The following DCAF4L1 variants were observed in gnomAD, a reference collection of about 807,000 sequenced individuals.
The protein encoded by DCAF4L1 is DDB1 and CUL4 associated factor 4 like 1.
A neutral mutation model predicts 28.2 loss-of-function variants in DCAF4L1; 4 were observed. The observed-to-expected ratio is 0.14, with a 90% CI of 0.07 to 0.33. The LOEUF is 0.33. Ranked by LOEUF, DCAF4L1 falls within the 10% of genes least tolerant of loss-of-function variation. The pLI is 1.00. For synonymous variants in DCAF4L1, 252 were observed against 212.1 expected, an observed-to-expected ratio of 1.19 and a Z score of -1.63; for missense variants, 331 against 506.1, an observed-to-expected ratio of 0.65 and a Z score of 3.32.
Position 41,982,317 on chromosome 4 carries a change from C to T in DCAF4L1, c.525C>T (p.Gly175=), listed in dbSNP as rs1714008964. The T allele has an allele frequency of 5.6e-6, 9 of 1,614,204 alleles. No homozygotes were observed. The highest frequency in any genetic ancestry group is 1.3e-5 in the African/African-American group (1 of 75,056). Residue 175 remains glycine (G), a synonymous_variant, in exon 1 of 1, where the codon GGC becomes GGT. Coordinates refer to ENST00000333141, the MANE Select transcript of DCAF4L1 (RefSeq NM_001029955.4). This position sits in a 1 kb window ranked among gnomAD's most constrained non-coding sequence, Gnocchi z 4.4. The part of the protein sequence containing the change: ...LSVHTRVNQP[G]MLCSFQIPEA... ...TTCACACAAGAGTTAACCAGCCTGG[C>T]ATGCTCTGCAGTTTCCAGATCCCAG... is the stretch of plus-strand genomic sequence containing the variant.
Position 41,986,012 on chromosome 4 carries a change from G to C in DCAF4L1, c.*3029G>C, listed in dbSNP as rs1006503375. ...TGCGTAGACAGCGAACAAGACTTGG[G>C]TTTATTGGGGGAACTTATATATAGG... is the stretch of plus-strand genomic sequence containing the variant. On this transcript the variant is annotated 3_prime_UTR_variant, in exon 1 of 1. Coordinates refer to ENST00000333141, the MANE Select transcript of DCAF4L1 (RefSeq NM_001029955.4). 6.0e-6 allele frequency: 1 copy of C among 167,154 alleles called. No homozygotes were observed. The highest frequency in any genetic ancestry group is 1.5e-5 in the Non-Finnish European group (1 of 68,168). The allele number at this position is 167,154 out of a possible 1,614,324, so 10.4% of individuals were successfully genotyped here.
In DCAF4L1 at chr4:41,982,137, C is replaced by T. The variant is rs765518456; in HGVS notation, c.345C>T (p.Tyr115=). The T allele has an allele frequency of 1.9e-6, 3 of 1,614,130 alleles. No individual in the cohort carries two copies. Among genetic ancestry groups the T allele is most frequent in the African/African-American group, 1.3e-5 (1 of 74,944 alleles). The change falls in exon 1 of 1, where the codon TAC becomes TAT. Residue 115 remains tyrosine, a synonymous_variant. Coordinates refer to ENST00000333141, the MANE Select transcript of DCAF4L1 (RefSeq NM_001029955.4). This position sits in a 1 kb window ranked among gnomAD's most constrained non-coding sequence, Gnocchi z 4.4. ...RTLKIPSFHV[Y]VLRNLYVPNR... is the part of the protein sequence containing the mutation. ...TGAAGATCCCTTCGTTCCACGTGTA[C>T]GTGCTCAGAAACCTCTACGTCCCCA...
rs1235602729 is a variant in DCAF4L1 at position 41,983,337 on chromosome 4, T to C, written c.*354T>C. The C allele has an allele frequency of 2.0e-5, 4 of 200,050 alleles. No individual in the cohort carries two copies. 12.4% of individuals were successfully genotyped at this position (200,050 alleles called of 1,614,324 possible). A position where few individuals can be genotyped will look rare whatever the true frequency, so the allele number is the denominator to read the frequency against. On this transcript the variant is annotated 3_prime_UTR_variant, in exon 1 of 1. Coordinates refer to ENST00000333141, the MANE Select transcript of DCAF4L1 (RefSeq NM_001029955.4). Reference sequence around the variant, plus strand: ...AATAAATTAAAGCAGCTTCTTTCACTAGTAGCCCTTTAGAGAAGCATAATG... The same window carrying C: ...AATAAATTAAAGCAGCTTCTTTCACCAGTAGCCCTTTAGAGAAGCATAATG...
chr4:41,985,466 A>G lies in DCAF4L1; in HGVS notation c.*2483A>G, dbSNP rs1301591529. ...CAAATGTTGGTGCAGTTGTGAGCAA[A>G]TAGAACTTTCATATACTGTTGAGTG... On this transcript the variant is annotated 3_prime_UTR_variant, in exon 1 of 1. Coordinates refer to ENST00000333141, the MANE Select transcript of DCAF4L1 (RefSeq NM_001029955.4). The G allele has an allele frequency of 6.0e-6, 1 of 167,108 alleles. No individual in the cohort carries two copies. The highest frequency in any genetic ancestry group is 1.5e-5 in the Non-Finnish European group (1 of 68,130). The allele number at this position is 167,108 out of a possible 1,614,324, so 10.4% of individuals were successfully genotyped here.
Position 41,982,284 on chromosome 4 carries a change from C to T in DCAF4L1, c.492C>T (p.Phe164=). ...CAGTGCTGCTCCCAGCGTCGCGGTTCTTAAGTGTTCACACAAGAGTTAACC... is the reference window on the plus strand; with the variant it reads ...CAGTGCTGCTCCCAGCGTCGCGGTTTTTAAGTGTTCACACAAGAGTTAACC... ...SCAVLLPASR[F]LSVHTRVNQP... Residue 164 remains phenylalanine (F), a synonymous_variant, in exon 1 of 1, where the codon TTC becomes TTT. Coordinates refer to ENST00000333141, the MANE Select transcript of DCAF4L1 (RefSeq NM_001029955.4). The surrounding 1 kb of genome is among the most constrained non-coding windows in gnomAD (Gnocchi z 4.4). 6.2e-7 allele frequency: 1 copy of T among 1,614,228 alleles called. No homozygotes were observed. Among genetic ancestry groups the T allele is most frequent in the Non-Finnish European group, 8.5e-7 (1 of 1,180,048 alleles).
chr4:41,984,636 T>C lies in DCAF4L1; in HGVS notation c.*1653T>C, dbSNP rs1714093335. On this transcript the variant is annotated 3_prime_UTR_variant, in exon 1 of 1. Coordinates refer to ENST00000333141, the MANE Select transcript of DCAF4L1 (RefSeq NM_001029955.4). Reference sequence around the variant, plus strand: ...TTAGGTGAAGGGAATGATGCTGAGTTTTAGACATCTACTAAACCTCCAATT... The same window carrying C: ...TTAGGTGAAGGGAATGATGCTGAGTCTTAGACATCTACTAAACCTCCAATT... 1 of 166,968 alleles carries C rather than the reference T, an allele frequency of 6.0e-6. No homozygotes were observed. 10.3% of individuals were successfully genotyped at this position (166,968 alleles called of 1,614,324 possible).
rs923253614 is a variant in DCAF4L1 at position 41,986,265 on chromosome 4, A to G, written c.*3282A>G. ...CAGGGTTAGTCGCTCCTGTTTCCTT[A>G]GTTTGGGATTCTGAGCACACATTCG... On this transcript the variant is annotated 3_prime_UTR_variant, in exon 1 of 1. Coordinates refer to ENST00000333141, the MANE Select transcript of DCAF4L1 (RefSeq NM_001029955.4). 1.2e-5 allele frequency: 2 copies of G among 167,008 alleles called. No individual in the cohort carries two copies. The highest frequency in any genetic ancestry group is 3.9e-4 in the East Asian group (2 of 5,188). 10.3% of individuals were successfully genotyped at this position (167,008 alleles called of 1,614,324 possible). A position where few individuals can be genotyped will look rare whatever the true frequency, so the allele number is the denominator to read the frequency against.
chr4:41,983,079 T>G lies in DCAF4L1; in HGVS notation c.*96T>G. 2 of 1,142,408 alleles carry G rather than the reference T, an allele frequency of 1.8e-6. No individual in the cohort carries two copies. The highest frequency in any genetic ancestry group is 2.5e-5 in the East Asian group (1 of 39,868). The allele number at this position is 1,142,408 out of a possible 1,614,324, so 70.8% of individuals were successfully genotyped here. On this transcript the variant is annotated 3_prime_UTR_variant, in exon 1 of 1. Coordinates refer to ENST00000333141, the MANE Select transcript of DCAF4L1 (RefSeq NM_001029955.4). ...TGTGAGAGCATTTTAAGAGACGTGT[T>G]GTATATAGATCGCATCCATCCGGCT...
chr4:41,982,760 A>T lies in DCAF4L1; in HGVS notation c.968A>T (p.His323Leu), dbSNP rs1714028404. The T allele has an allele frequency of 1.2e-6, 2 of 1,614,120 alleles. No individual in the cohort carries two copies. Among genetic ancestry groups the T allele is most frequent in the African/African-American group, 2.7e-5 (2 of 74,956 alleles). ...NESAYLPLHVHEEEGIVVAVG... is the reference protein window; with the variant it reads ...NESAYLPLHVLEEEGIVVAVG... ...TCCGCCTATCTGCCCCTGCATGTGCACGAGGAAGAGGGAATCGTGGTGGCA... is the reference window on the plus strand; with the variant it reads ...TCCGCCTATCTGCCCCTGCATGTGCTCGAGGAAGAGGGAATCGTGGTGGCA... The change falls in exon 1 of 1, where the codon CAC becomes CTC. Residue 323 changes from histidine to leucine, a missense_variant. His to Leu is a moderately conservative substitution (Grantham distance 99). Coordinates refer to ENST00000333141, the MANE Select transcript of DCAF4L1 (RefSeq NM_001029955.4). This position sits in a 1 kb window ranked among gnomAD's most constrained non-coding sequence, Gnocchi z 4.4.
At position 41,982,138 on chromosome 4, in the gene DCAF4L1, G is replaced by C. The variant is rs753214088; in HGVS notation, c.346G>C (p.Val116Leu). 7 of 1,614,216 alleles carry C rather than the reference G, an allele frequency of 4.3e-6. No individual in the cohort carries two copies. In the South Asian group the frequency reaches 6.6e-5, roughly 15 times the overall value. Residue 116 changes from valine (V) to leucine (L), a missense_variant, in exon 1 of 1, where the codon GTG (valine) becomes CTG (leucine). Val to Leu is a conservative substitution (Grantham distance 32, BLOSUM62 1). Transcript: ENST00000333141. This position sits in a 1 kb window ranked among gnomAD's most constrained non-coding sequence, Gnocchi z 4.4. ...TLKIPSFHVY[V>L]LRNLYVPNRK... Reference sequence around the variant, plus strand: ...GAAGATCCCTTCGTTCCACGTGTACGTGCTCAGAAACCTCTACGTCCCCAA... The same window carrying C: ...GAAGATCCCTTCGTTCCACGTGTACCTGCTCAGAAACCTCTACGTCCCCAA...
Position 41,982,095 on chromosome 4 carries a change from C to A in DCAF4L1, c.303C>A (p.Ile101=). Residue 101 remains isoleucine (I), a synonymous_variant, in exon 1 of 1, where the codon ATC becomes ATA. Transcript: ENST00000333141. This position sits in a 1 kb window ranked among gnomAD's most constrained non-coding sequence, Gnocchi z 4.4. ...AAGTCGAAGGCTCCAAGTACGGCAT[C>A]ATCAGCCTGCGAACTCTGAAGATCC... ...QVEVEGSKYG[I]ISLRTLKIPS... The A allele has an allele frequency of 6.2e-7, 1 of 1,614,210 alleles. No homozygotes were observed. Among genetic ancestry groups the A allele is most frequent in the African/African-American group, 1.3e-5 (1 of 75,068 alleles).
Position 41,982,974 on chromosome 4 carries a change from C to T in DCAF4L1, c.1182C>T (p.Pro394=), listed in dbSNP as rs1164986456. The T allele has an allele frequency of 3.1e-6, 5 of 1,602,018 alleles. No individual in the cohort carries two copies. Among genetic ancestry groups the T allele is most frequent in the South Asian group, 1.1e-5 (1 of 89,526 alleles). ...MAVRQDLYCF[P]FS ...TCCGGCAGGACCTTTATTGTTTCCC[C>T]TTCAGCTAATTCTGCAGGTGGCAGC... Residue 394 remains proline, a synonymous_variant, in exon 1 of 1, where the codon CCC becomes CCT. Coordinates refer to ENST00000333141, the MANE Select transcript of DCAF4L1 (RefSeq NM_001029955.4). The surrounding 1 kb of genome is among the most constrained non-coding windows in gnomAD (Gnocchi z 4.4).
Position 41,986,455 on chromosome 4 carries a change from AT to A in DCAF4L1, c.*3476del, listed in dbSNP as rs1372512360. On this transcript the variant is annotated 3_prime_UTR_variant, in exon 1 of 1. Transcript: ENST00000333141. Reference sequence around the variant, plus strand: ...GTATTATACTTCAATAAAAAGTTAAATTTTAAAAAACCTAGTAAGACTTTCT... The same window carrying A: ...GTATTATACTTCAATAAAAAGTTAAATTTAAAAAACCTAGTAAGACTTTCT... The A allele has an allele frequency of 4.2e-5, 7 of 165,048 alleles. No homozygotes were observed. Among genetic ancestry groups the A allele is most frequent in the South Asian group, 2.1e-4 (1 of 4,828 alleles). 10.2% of individuals were successfully genotyped at this position (165,048 alleles called of 1,614,324 possible). A position where few individuals can be genotyped will look rare whatever the true frequency, so the allele number is the denominator to read the frequency against.
Position 41,982,854 on chromosome 4 carries a change from C to T in DCAF4L1, c.1062C>T (p.Ser354=), listed in dbSNP as rs372930602. 11 of 1,614,042 alleles carry T rather than the reference C, an allele frequency of 6.8e-6. No homozygotes were observed. Among genetic ancestry groups the T allele is most frequent in the Admixed American group, 1.7e-5 (1 of 60,010 alleles). Residue 354 remains serine, a synonymous_variant, in exon 1 of 1, where the codon TCC becomes TCT. Coordinates refer to ENST00000333141, the MANE Select transcript of DCAF4L1 (RefSeq NM_001029955.4). The surrounding 1 kb of genome is among the most constrained non-coding windows in gnomAD (Gnocchi z 4.4). The part of the protein sequence containing the change: ...HDAHLLRTIP[S]PYSASEDDIP... ...CCCACCTGCTCAGAACCATCCCTTCCCCGTACTCTGCCTCCGAGGACGACA... is the reference window on the plus strand; with the variant it reads ...CCCACCTGCTCAGAACCATCCCTTCTCCGTACTCTGCCTCCGAGGACGACA...
chr4:41,982,323 C>A lies in DCAF4L1; in HGVS notation c.531C>A (p.Leu177=), dbSNP rs775790730. The change falls in exon 1 of 1, where the codon CTC becomes CTA. Residue 177 remains leucine (L), a synonymous_variant. Transcript: ENST00000333141. The surrounding 1 kb of genome is among the most constrained non-coding windows in gnomAD (Gnocchi z 4.4). ...VHTRVNQPGM[L]CSFQIPEAWS... ...CAAGAGTTAACCAGCCTGGCATGCT[C>A]TGCAGTTTCCAGATCCCAGAGGCCT... is the stretch of plus-strand genomic sequence containing the variant. 1 of 1,614,222 alleles carries A rather than the reference C, an allele frequency of 6.2e-7. No individual in the cohort carries two copies.
At position 41,986,259 on chromosome 4, in the gene DCAF4L1, TTC is replaced by T. The variant is rs1054815348; in HGVS notation, c.*3277_*3278del. On this transcript the variant is annotated 3_prime_UTR_variant, in exon 1 of 1. Transcript: ENST00000333141. ...GAAACTCAGGGTTAGTCGCTCCTGT[TTC>T]CTTAGTTTGGGATTCTGAGCACACA... The T allele has an allele frequency of 1.0e-4, 17 of 167,136 alleles. No individual in the cohort carries two copies. Among genetic ancestry groups the T allele is most frequent in the African/African-American group, 4.1e-4 (17 of 41,444 alleles). 10.4% of individuals were successfully genotyped at this position (167,136 alleles called of 1,614,324 possible). A position where few individuals can be genotyped will look rare whatever the true frequency, so the allele number is the denominator to read the frequency against.
rs185277041 is a variant in DCAF4L1 at position 41,986,174 on chromosome 4, A to G, written c.*3191A>G. 6.0e-6 allele frequency: 1 copy of G among 167,140 alleles called. No individual in the cohort carries two copies. The highest frequency in any genetic ancestry group is 1.5e-5 in the Non-Finnish European group (1 of 68,146). 10.4% of individuals were successfully genotyped at this position (167,140 alleles called of 1,614,324 possible). On this transcript the variant is annotated 3_prime_UTR_variant, in exon 1 of 1. Transcript: ENST00000333141. ...CCAAAGCAAAGGACCTTGATCCCCTATATTGCCTGTGTTGTAAGGGATGGG... is the reference window on the plus strand; with the variant it reads ...CCAAAGCAAAGGACCTTGATCCCCTGTATTGCCTGTGTTGTAAGGGATGGG...
At position 41,982,458 on chromosome 4, in the gene DCAF4L1, T is replaced by C. The variant is rs774728224; in HGVS notation, c.666T>C (p.Asp222=). 1.6e-5 allele frequency: 26 copies of C among 1,614,106 alleles called. No individual in the cohort carries two copies. Among genetic ancestry groups the C allele is most frequent in the Non-Finnish European group, 2.1e-5 (25 of 1,180,046 alleles). Residue 222 remains aspartate (D), a synonymous_variant, in exon 1 of 1, where the codon GAT becomes GAC. Coordinates refer to ENST00000333141, the MANE Select transcript of DCAF4L1 (RefSeq NM_001029955.4). This position sits in a 1 kb window ranked among gnomAD's most constrained non-coding sequence, Gnocchi z 4.4. The stretch of plus-strand genomic sequence containing the variant: ...CGACGGGACACCAGCAGTCATTTGA[T>C]ACCAGCAGTGATGTCTTGGCCCAGC... The part of the protein sequence containing the change: ...SVATGHQQSF[D]TSSDVLAQQF...
At position 41,982,340 on chromosome 4, in the gene DCAF4L1, C is replaced by T; in HGVS notation, c.548C>T (p.Pro183Leu). The change falls in exon 1 of 1, where the codon CCA (proline) becomes CTA (leucine). Residue 183 changes from proline to leucine, a missense_variant. Transcript: ENST00000333141. The surrounding 1 kb of genome is among the most constrained non-coding windows in gnomAD (Gnocchi z 4.4). Reference protein sequence around the residue: ...QPGMLCSFQIPEAWSCAWSLN... With the variant: ...QPGMLCSFQILEAWSCAWSLN... ...GGCATGCTCTGCAGTTTCCAGATCC[C>T]AGAGGCCTGGTCCTGTGCGTGGTCC... The T allele has an allele frequency of 6.2e-7, 1 of 1,614,206 alleles. No individual in the cohort carries two copies. The highest frequency in any genetic ancestry group is 8.5e-7 in the Non-Finnish European group (1 of 1,180,042).
Sources: gnomAD v4.1 joint callset for allele counts on GRCh38, gnomAD v4.1.1 for gene constraint, Gnocchi (gnomAD v3.1) non-coding constraint, MANE v1.5 for transcripts, NCBI Gene and HGNC (gene_info 2026-07-23, HGNC 2026-07-21) for gene names.